The following ATL1 variants were observed in gnomAD, a reference collection of about 807,000 sequenced individuals.
The protein encoded by ATL1 is atlastin GTPase 1.
ATL1 carries 31 observed loss-of-function variants against 75.5 expected under a neutral mutation model. The ratio of observed to expected loss-of-function variants is 0.41; its 90% CI spans 0.31 to 0.55. The LOEUF (loss-of-function observed/expected upper bound fraction) is 0.55, where lower values mean the gene tolerates loss of function less well. Among genes scored for constraint, ATL1 ranks in the 20% least tolerant of loss-of-function variants. ATL1 has a pLI of 0.27. For synonymous variants in ATL1, 226 were observed against 233.3 expected, an observed-to-expected ratio of 0.97 and a Z score of 0.28; for missense variants, 405 against 662.6, an observed-to-expected ratio of 0.61 and a Z score of 4.27.
chr14:50,557,783 C>T (rs1317790360), upstream of ATL1, among the ~76,000 whole-genome samples: 1 of 152,196 alleles, frequency 6.6e-6, no homozygotes, highest in Non-Finnish European at 1.5e-5. Flanking sequence ...GCAATGAGCA[C>T]AACTAGCACC....
intron 1 of ATL1, among the ~76,000 whole-genome samples, chr14:50,567,220 CA>C (rs1291953222): frequency 6.6e-6 from 1 of 152,024 alleles, no homozygotes; most frequent in African/African-American, 2.4e-5. Flanking sequence ...TGGAATGATA[CA>C]TTTTTTTTTT....
At chr14:50,534,830 G>A (rs564537108) in intron 1 of ATL1, among the ~76,000 whole-genome samples, 1 of 152,320 alleles carries the variant, frequency 6.6e-6, no homozygotes, top group African/African-American at 2.4e-5. Context: ...ATTTTAACAA[G>A]ATCAGTGAAG....
chr14:50,567,947 T>A (rs186414436), intron 1 of ATL1, among the ~76,000 whole-genome samples: 186 of 152,306 alleles, frequency 1.2e-3, no homozygotes, highest in African/African-American at 4.1e-3. Flanking sequence ...AAGAGAAAAA[T>A]GTGTATTCTA....
intron 1 of ATL1, among the ~76,000 whole-genome samples, chr14:50,536,889 G>A (rs567544164): frequency 6.6e-6 from 1 of 152,302 alleles, no homozygotes; most frequent in Admixed American, 6.5e-5. Context: ...TATAAGGGAA[G>A]CACAGCATAA....
intron 6 of ATL1, among the ~76,000 whole-genome samples, chr14:50,609,038 G>A (rs1450132727): frequency 1.3e-5 from 2 of 151,836 alleles, no homozygotes; most frequent in East Asian, 1.9e-4. Context: ...ATCCATAATC[G>A]CACGCCACTT....
At chr14:50,544,350 A>C (rs2140150247) in intron 1 of ATL1, among the ~76,000 whole-genome samples, 1 of 152,310 alleles carries the variant, frequency 6.6e-6, no homozygotes, top group South Asian at 2.1e-4. Flanking sequence ...ACCTCTTCCA[A>C]GTGGCTATGT....
At chr14:50,597,830 G>A (rs2039235450) in intron 6 of ATL1, among the ~76,000 whole-genome samples, 1 of 152,094 alleles carries the variant, frequency 6.6e-6, no homozygotes, top group African/African-American at 2.4e-5. Flanking sequence ...GAGTAGCTGA[G>A]ACTACAGGTG....
chr14:50,572,943 G>C lies in ATL1; in HGVS notation c.34+12644G>C, dbSNP rs1415298333. 3.3e-5 allele frequency among the ~76,000 whole-genome samples: 5 copies of C among 152,038 alleles called. No individual in the cohort carries two copies. The East Asian group carries it at 9.6e-4, about 29-fold the overall frequency. ...AGGCCTCAGAAAACTTACAATCATG[G>C]CATAAGGGGACGCAAACACATCCTT... is the stretch of plus-strand genomic sequence containing the variant. On this transcript the variant is annotated intron_variant, in intron 1 of 13. Coordinates refer to ENST00000358385, the MANE Select transcript of ATL1 (RefSeq NM_015915.5).
intron 1 of ATL1, among the ~76,000 whole-genome samples, chr14:50,551,623 G>T (rs2038703771): frequency 6.6e-6 from 1 of 152,016 alleles, no homozygotes. Flanking sequence ...GCAAAAAATT[G>T]TAACAAAATA....
At chr14:50,591,722 A>T in intron 4 of ATL1, 83 bp downstream of exon 4, 1 of 981,810 alleles carries the variant, frequency 1.0e-6, no homozygotes, top group Non-Finnish European at 1.6e-6. Context: ...TTATAATTAG[A>T]TAAACAACAG....
intron 5 of ATL1, among the ~76,000 whole-genome samples, chr14:50,595,351 T>C (rs1011651229): frequency 6.6e-6 from 1 of 152,222 alleles, no homozygotes; most frequent in African/African-American, 2.4e-5. Context: ...AAATGTACTT[T>C]ATGTCTTTCA....
intron 1 of ATL1, among the ~76,000 whole-genome samples, chr14:50,550,028 A>G (rs1488647948): frequency 2.0e-5 from 3 of 152,224 alleles, no homozygotes; most frequent in African/African-American, 7.2e-5. Flanking sequence ...GGCGATGGCT[A>G]CATGGACCTT....
chr14:50,568,429 T>C (rs2038924645), intron 1 of ATL1, among the ~76,000 whole-genome samples: 1 of 152,098 alleles, frequency 6.6e-6, no homozygotes, highest in Non-Finnish European at 1.5e-5. Flanking sequence ...CAGTTCTTTG[T>C]TTTCTGTTAA....
intron 1 of ATL1, among the ~76,000 whole-genome samples, chr14:50,579,402 G>T (rs2039036091): frequency 6.6e-6 from 1 of 152,138 alleles, no homozygotes; most frequent in African/African-American, 2.4e-5. Flanking sequence ...ATCTATTGGT[G>T]TCTGTTAGTG....
chr14:50,629,892 G>T (rs61985479), intron 12 of ATL1, 103 bp from the exon 13 acceptor site: 319 of 867,346 alleles, frequency 3.7e-4, no homozygotes, highest in Middle Eastern at 4.7e-4. Flanking sequence ...TATCTGTTCT[G>T]AAATGCTCAC....
chr14:50,540,605 A>T (rs2038548768), intron 1 of ATL1, among the ~76,000 whole-genome samples: 1 of 152,212 alleles, frequency 6.6e-6, no homozygotes, highest in African/African-American at 2.4e-5. Flanking sequence ...AGCTCTAAAT[A>T]ATAATCTCTG....
At chr14:50,595,020 G>A (rs1408778473) in intron 5 of ATL1, among the ~76,000 whole-genome samples, 47 of 137,186 alleles carry the variant, frequency 3.4e-4, no homozygotes, top group Non-Finnish European at 3.0e-4. Flanking sequence ...AAACAAAAAA[G>A]AAAAAAAAAA....
chr14:50,539,027 G>A (rs1196945517), intron 1 of ATL1, among the ~76,000 whole-genome samples: 1 of 152,046 alleles, frequency 6.6e-6, no homozygotes, highest in Non-Finnish European at 1.5e-5. Context: ...CTCTTTCTGT[G>A]CTTTTTCTTC....
At chr14:50,567,741 C>A (rs1000106994) in intron 1 of ATL1, among the ~76,000 whole-genome samples, 1 of 152,046 alleles carries the variant, frequency 6.6e-6, no homozygotes, top group Non-Finnish European at 1.5e-5. Context: ...TTTCTTTGAT[C>A]ATTTGTTGTT....
Sources: gnomAD v4.1 joint callset for allele counts (sites outside exome capture counted in the v4.1 genomes callset) on GRCh38, gnomAD v4.1.1 for gene constraint, MANE v1.5 for transcripts, NCBI Gene and HGNC (gene_info 2026-07-23, HGNC 2026-07-21) for gene names.